LRRC37A2: variants seen among roughly 807,000 people sequenced by gnomAD.
The protein encoded by LRRC37A2 is leucine rich repeat containing 37 member A2.
Under a neutral mutation model 68.8 loss-of-function variants are expected in LRRC37A2, and 9 were observed. The observed-to-expected ratio is 0.13, with a 90% CI of 0.08 to 0.23. The LOEUF is 0.23. Ranked by LOEUF, LRRC37A2 falls within the 10% of genes least tolerant of loss-of-function variation. LRRC37A2 has a pLI of 1.00. For synonymous variants in LRRC37A2, 63 were observed against 367.6 expected (o/e 0.17, Z 9.48); for missense variants, 168 against 950.4 (o/e 0.18, Z 10.82).
At chr17:46,847,817 C>T in the LRRC37A2 span, among the ~76,000 whole-genome samples, 1 of 152,162 alleles carries the variant, frequency 6.6e-6, no homozygotes, top group Non-Finnish European at 1.5e-5. Flanking sequence ...CAACCAAAGG[C>T]GGATGGTTCC....
chr17:46,811,106 A>AG, the LRRC37A2 span, among the ~76,000 whole-genome samples: 3 of 152,134 alleles, frequency 2.0e-5, no homozygotes, highest in African/African-American at 7.2e-5. Context: ...TCCCGGCTGT[A>AG]CAGGCCAGGC....
At chr17:46,946,282 C>CAAAAAAAAA in the LRRC37A2 span, among the ~76,000 whole-genome samples, 1 of 126,680 alleles carries the variant, frequency 7.9e-6, no homozygotes, top group Non-Finnish European at 1.6e-5. Context: ...CTAAAAATAC[C>CAAAAAAAAA]AAAAAAAAAA....
the LRRC37A2 span, among the ~76,000 whole-genome samples, chr17:46,796,732 C>A: frequency 6.6e-6 from 1 of 152,226 alleles, no homozygotes; most frequent in Non-Finnish European, 1.5e-5. Context: ...TGAGCGGTGC[C>A]TGATCAGTCC....
chr17:46,904,487 TGG>T, the LRRC37A2 span, among the ~76,000 whole-genome samples: 1 of 147,756 alleles, frequency 6.8e-6, no homozygotes, highest in African/African-American at 2.5e-5. Context: ...GATGGATGGA[TGG>T]ATGGGTGGAT....
At chr17:46,519,703 GTC>G (rs1416513558) in intron 3 of LRRC37A2, among the ~76,000 whole-genome samples, 1 of 143,122 alleles carries the variant, frequency 7.0e-6, no homozygotes, top group African/African-American at 2.7e-5. Flanking sequence ...GTGAGACCCT[GTC>G]TCAAAAATTA....
the LRRC37A2 span, among the ~76,000 whole-genome samples, chr17:46,589,340 ATTTTT>A: frequency 3.8e-3 from 300 of 78,546 alleles, no homozygotes; most frequent in African/African-American, 0.023. Flanking sequence ...ATAGGCGTGA[ATTTTT>A]TTTTTTTTTT....
the LRRC37A2 span, chr17:46,751,535 C>G: frequency 6.2e-7 from 1 of 1,613,862 alleles, no homozygotes; most frequent in Non-Finnish European, 8.5e-7. Context: ...AGGAACGCAC[C>G]ACAATTGCAC....
chr17:46,995,547 T>C, the LRRC37A2 span, among the ~76,000 whole-genome samples: 2 of 152,124 alleles, frequency 1.3e-5, no homozygotes, highest in African/African-American at 4.8e-5. Flanking sequence ...CTCTTCTCCT[T>C]CCCATACTCC....
the LRRC37A2 span, chr17:46,770,172 C>A: frequency 2.3e-6 from 3 of 1,329,040 alleles, no homozygotes; most frequent in Non-Finnish European, 3.0e-6. Flanking sequence ...CTCACCAGCC[C>A]TGAGGCAAGA....
chr17:46,521,057 C>A (rs563799082), intron 4 of LRRC37A2, among the ~76,000 whole-genome samples: 1,999 of 79,778 alleles, frequency 0.025, 668 homozygotes, highest in Middle Eastern at 0.098. Context: ...ACTGGTAGAG[C>A]TAGAAATGTT....
At chr17:46,902,128 A>G in the LRRC37A2 span, among the ~76,000 whole-genome samples, 4 of 152,148 alleles carry the variant, frequency 2.6e-5, no homozygotes, top group African/African-American at 9.7e-5. Flanking sequence ...TACCACTGGG[A>G]TTCCTTCTGG....
At chr17:46,870,904 C>CTTTTTTTTTTT in the LRRC37A2 span, among the ~76,000 whole-genome samples, 38 of 78,388 alleles carry the variant, frequency 4.8e-4, no homozygotes, top group African/African-American at 1.9e-3. Context: ...TCCACCTTTG[C>CTTTTTTTTTTT]TTTTTTTTTT....
chr17:46,857,797 A>G, the LRRC37A2 span, among the ~76,000 whole-genome samples: 1 of 152,130 alleles, frequency 6.6e-6, no homozygotes, highest in Admixed American at 6.5e-5. Flanking sequence ...TTGTGGTTTT[A>G]ATTTGTATTT....
At chr17:46,748,055 G>A in the LRRC37A2 span, among the ~76,000 whole-genome samples, 1 of 152,174 alleles carries the variant, frequency 6.6e-6, no homozygotes, top group Non-Finnish European at 1.5e-5. Flanking sequence ...TTGTCTTTTA[G>A]CCTTCAGTGC....
At chr17:46,551,000 G>A (rs1466324394) in intron 11 of LRRC37A2, among the ~76,000 whole-genome samples, 1 of 149,762 alleles carries the variant, frequency 6.7e-6, no homozygotes, top group Non-Finnish European at 1.5e-5. Context: ...GTAAGGCATT[G>A]TCTAAATAGG....
At chr17:46,890,194 A>G in the LRRC37A2 span, among the ~76,000 whole-genome samples, 1 of 152,104 alleles carries the variant, frequency 6.6e-6, no homozygotes, top group Non-Finnish European at 1.5e-5. Flanking sequence ...CCGACTAATC[A>G]TGCTGCTGTC....
chr17:46,832,562 G>A, the LRRC37A2 span, among the ~76,000 whole-genome samples: 2 of 151,926 alleles, frequency 1.3e-5, no homozygotes, highest in African/African-American at 2.4e-5. Flanking sequence ...GGGGACATGT[G>A]TTGCTGGGTG....
At chr17:47,000,395 T>C in the LRRC37A2 span, among the ~76,000 whole-genome samples, 105,935 of 151,676 alleles carry the variant, frequency 0.7, 37,598 homozygotes, top group Middle Eastern at 0.78. Context: ...CCACCATGCC[T>C]GGCTAATTTT....
At chr17:47,037,394 C>T in the LRRC37A2 span, among the ~76,000 whole-genome samples, 19 of 152,050 alleles carry the variant, frequency 1.2e-4, 1 homozygote, top group Middle Eastern at 3.2e-3. Context: ...CATGAGTTAC[C>T]GTGCCCGGCC....
Sources: allele counts gnomAD v4.1 joint callset (sites outside exome capture counted in the v4.1 genomes callset), GRCh38; gene constraint gnomAD v4.1.1; transcripts MANE v1.5; gene names NCBI Gene and HGNC (gene_info 2026-07-23, HGNC 2026-07-21).